ANKRD12: variants seen among roughly 807,000 people sequenced by gnomAD.
ANKRD12 encodes the protein ankyrin repeat domain 12.
ANKRD12 carries 85 observed loss-of-function variants against 183.4 expected under a neutral mutation model. That is an observed-to-expected ratio of 0.46 (90% CI 0.39 to 0.56). The LOEUF is 0.56. Among genes scored for constraint, ANKRD12 ranks in the 20% least tolerant of loss-of-function variants. ANKRD12 has a pLI of 0.00. For synonymous variants in ANKRD12, 914 were observed against 800.2 expected (o/e 1.14, Z -2.40); for missense variants, 2,405 against 2,357.1 (o/e 1.02, Z -0.42).
chr18:9,204,834 G>C (rs2035387627), intron 4 of ANKRD12, among the ~76,000 whole-genome samples: 1 of 152,174 alleles, frequency 6.6e-6, no homozygotes, highest in South Asian at 2.1e-4. Flanking sequence ...CAATGTGAAA[G>C]TCAACCCCTG....
In ANKRD12 at chr18:9,157,590, T is replaced by C. The variant is rs1296924529; in HGVS notation, c.-52+20625T>C. Among the ~76,000 whole-genome samples the C allele has an allele frequency of 1.5e-5, 2 of 134,930 alleles. 1 individual carries two copies. Among genetic ancestry groups the C allele is most frequent in the East Asian group, 4.2e-4 (2 of 4,790 alleles). The allele number at this position is 134,930 out of a possible 152,430, so 88.5% of individuals were successfully genotyped here. A position where few individuals can be genotyped will look rare whatever the true frequency, so the allele number is the denominator to read the frequency against. On this transcript the variant is annotated intron_variant, in intron 1 of 12. Transcript: ENST00000262126. Reference sequence around the variant, plus strand: ...GTGTGTGTGTGTGTGTGTGTGTATATATATATATATGTATTTTTTTTTTTT... The same window carrying C: ...GTGTGTGTGTGTGTGTGTGTGTATACATATATATATGTATTTTTTTTTTTT...
chr18:9,279,726 A>C, intron 12 of ANKRD12, 82 bp downstream of exon 12: 1 of 778,946 alleles, frequency 1.3e-6, no homozygotes, highest in Non-Finnish European at 2.1e-6. Flanking sequence ...TATTAGGGAG[A>C]AATAATTAGG....
chr18:9,186,456 AG>A (rs989126863), intron 2 of ANKRD12, among the ~76,000 whole-genome samples: 5 of 152,190 alleles, frequency 3.3e-5, no homozygotes, highest in Non-Finnish European at 5.9e-5. Flanking sequence ...AGTTTGGGTA[AG>A]GATCAGAAGC....
At position 9,256,017 on chromosome 18, in the gene ANKRD12, A is replaced by G; in HGVS notation, c.2750A>G (p.Glu917Gly). The G allele has an allele frequency of 1.3e-6, 2 of 1,561,608 alleles. No homozygotes were observed. Among genetic ancestry groups the G allele is most frequent in the Non-Finnish European group, 1.7e-6 (2 of 1,162,702 alleles). Reference sequence around the variant, plus strand: ...AGGAAACATGACAAAGAAAAGCCTGAAAAAGAGAGGCATCTAGCAGAAAGC... The same window carrying G: ...AGGAAACATGACAAAGAAAAGCCTGGAAAAGAGAGGCATCTAGCAGAAAGC... ...MDRKHDKEKP[E>G]KERHLAESKE... Residue 917 changes from glutamate to glycine, a missense_variant, in exon 9 of 13, where the codon GAA becomes GGA. Physicochemically the swap from Glu to Gly is moderately conservative, Grantham distance 98. Coordinates refer to ENST00000262126, the MANE Select transcript of ANKRD12 (RefSeq NM_015208.5).
intron 10 of ANKRD12, among the ~76,000 whole-genome samples, chr18:9,266,920 A>G (rs1443346814): frequency 2.6e-5 from 4 of 152,222 alleles, no homozygotes; most frequent in Admixed American, 1.3e-4. Context: ...TGATGGAGGA[A>G]GATCTATCAA....
Position 9,281,076 on chromosome 18 carries a change from T to C in ANKRD12, c.6139T>C (p.Tyr2047His). Residue 2047 changes from tyrosine (Y) to histidine (H), a missense_variant, in exon 13 of 13, where the codon TAT becomes CAT. Tyr to His is a moderately conservative substitution (Grantham distance 83, BLOSUM62 2). Coordinates refer to ENST00000262126, the MANE Select transcript of ANKRD12 (RefSeq NM_015208.5). ...SISIYEIQEF[Y>H]VPLVDVNDDF... The stretch of plus-strand genomic sequence containing the variant: ...CAGCATTTACGAAATCCAGGAGTTT[T>C]ATGTTCCCCTTGTTGATGTTAACGA... The C allele has an allele frequency of 6.2e-7, 1 of 1,614,096 alleles. No individual in the cohort carries two copies. The highest frequency in any genetic ancestry group is 8.5e-7 in the Non-Finnish European group (1 of 1,180,018).
chr18:9,269,464 C>T (rs1415955190), intron 10 of ANKRD12, among the ~76,000 whole-genome samples: 1 of 152,136 alleles, frequency 6.6e-6, no homozygotes, highest in African/African-American at 2.4e-5. Flanking sequence ...GAAATAGTGC[C>T]ACATATCTAC....
chr18:9,251,062 A>G (rs1473576969), intron 8 of ANKRD12, among the ~76,000 whole-genome samples: 2 of 152,206 alleles, frequency 1.3e-5, no homozygotes, highest in Non-Finnish European at 1.5e-5. Flanking sequence ...ATGTGACAGT[A>G]ATATATTTTC....
chr18:9,182,348 A>G, intron 1 of ANKRD12, 34 bp from the exon 2 acceptor site: 2 of 378,620 alleles, frequency 5.3e-6, no homozygotes, highest in Non-Finnish European at 8.7e-6. Flanking sequence ...TTGTATATAT[A>G]TTCAAATAAC....
chr18:9,234,228 C>A (rs1257872252), intron 8 of ANKRD12, among the ~76,000 whole-genome samples: 1 of 152,190 alleles, frequency 6.6e-6, no homozygotes, highest in East Asian at 1.9e-4. Flanking sequence ...TTCGCTCACC[C>A]CAGCCTCCCG....
rs915628037 is a variant in ANKRD12, at chr18:9,192,287, A to G, written c.88-3264A>G. Among the ~76,000 whole-genome samples, 6 of 152,188 alleles carry G rather than the reference A, an allele frequency of 3.9e-5. No homozygotes were observed. In the South Asian group the frequency reaches 1.0e-3, roughly 26 times the overall value. ...TTGATCAAGAATGAATGTAGATGTT[A>G]TTCTTGTCACTTTGTTCTTGCCATC... On this transcript the variant is annotated intron_variant, in intron 2 of 12. Coordinates refer to ENST00000262126, the MANE Select transcript of ANKRD12 (RefSeq NM_015208.5).
At chr18:9,137,278 C>A (rs1329588281) in intron 1 of ANKRD12, among the ~76,000 whole-genome samples, 1 of 146,796 alleles carries the variant, frequency 6.8e-6, no homozygotes, top group Non-Finnish European at 1.5e-5. Context: ...TGGGAGCCGC[C>A]AACTGGGCGG....
At chr18:9,159,938 G>A (rs1159916889) in intron 1 of ANKRD12, among the ~76,000 whole-genome samples, 1 of 151,500 alleles carries the variant, frequency 6.6e-6, no homozygotes, top group Non-Finnish European at 1.5e-5. Context: ...CCAAGTAGCT[G>A]GGACTACAGA....
chr18:9,168,189 T>C (rs2032290541), intron 1 of ANKRD12, among the ~76,000 whole-genome samples: 1 of 152,156 alleles, frequency 6.6e-6, no homozygotes, highest in South Asian at 2.1e-4. Flanking sequence ...CTTTTTTTTG[T>C]TGTGTCTCTG....
Position 9,211,570 on chromosome 18 carries a change from C to G in ANKRD12, c.452-14C>G. 1 of 1,611,056 alleles carries G rather than the reference C, an allele frequency of 6.2e-7. No homozygotes were observed. The highest frequency in any genetic ancestry group is 8.5e-7 in the Non-Finnish European group (1 of 1,178,164). On this transcript the variant is annotated splice_polypyrimidine_tract_variant and intron_variant, in intron 5 of 12. Transcript: ENST00000262126. Reference sequence around the variant, plus strand: ...TTAGCCTAGAACTTCTGCTAACTTTCTTCTTTCTTACAGATTCCACACCAA... The same window carrying G: ...TTAGCCTAGAACTTCTGCTAACTTTGTTCTTTCTTACAGATTCCACACCAA...
intron 8 of ANKRD12, among the ~76,000 whole-genome samples, chr18:9,234,567 A>G (rs2037236154): frequency 6.6e-6 from 1 of 152,112 alleles, no homozygotes; most frequent in African/African-American, 2.4e-5. Context: ...GGGTCCAGCC[A>G]ACACTGTGCC....
chr18:9,223,679 C>A (rs897659058), intron 8 of ANKRD12, among the ~76,000 whole-genome samples: 8 of 152,052 alleles, frequency 5.3e-5, no homozygotes, highest in African/African-American at 1.9e-4. Context: ...GCCTTAAACA[C>A]TAGATAACAC....
chr18:9,280,178 GA>G (rs1325788648), intron 12 of ANKRD12, among the ~76,000 whole-genome samples: 1 of 152,186 alleles, frequency 6.6e-6, no homozygotes, highest in East Asian at 1.9e-4. Context: ...GTTTGGGGAT[GA>G]AACTTTCACC....
intron 1 of ANKRD12, among the ~76,000 whole-genome samples, chr18:9,181,474 T>A (rs1194452587): frequency 6.6e-6 from 1 of 152,218 alleles, no homozygotes; most frequent in African/African-American, 2.4e-5. Context: ...ATCTTGTCGG[T>A]CATTCTGCTT....
Sources: allele counts gnomAD v4.1 joint callset (sites outside exome capture counted in the v4.1 genomes callset), GRCh38; gene constraint gnomAD v4.1.1; transcripts MANE v1.5; gene names NCBI Gene and HGNC (gene_info 2026-07-23, HGNC 2026-07-21).